The following CD33 variants were observed in gnomAD, a reference collection of about 807,000 sequenced individuals.
The protein encoded by CD33 is myeloid cell surface antigen CD33.
In CD33, 25 loss-of-function variants were observed where a neutral mutation model predicts 31.4. The observed-to-expected ratio is 0.80, with a 90% CI of 0.58 to 1.11. The LOEUF (loss-of-function observed/expected upper bound fraction) is 1.11. Ranked by LOEUF, CD33 falls within the 50% of genes most tolerant of loss-of-function variation. CD33 has a pLI of 0.00. For synonymous variants in CD33, 176 were observed against 180.6 expected (o/e 0.97, Z 0.20); for missense variants, 407 against 448.1 (o/e 0.91, Z 0.83).
At chr19:51,236,030 CG>C in intron 6 of CD33, 1 of 558,072 alleles carries the variant, frequency 1.8e-6, no homozygotes. Flanking sequence ...TGGTGGCTGG[CG>C]CCTGTAGTCC....
chr19:51,212,668 C>G, the CD33 span, among the ~76,000 whole-genome samples: 1 of 152,264 alleles, frequency 6.6e-6, no homozygotes, highest in East Asian at 1.9e-4. Context: ...CTTTCTATTT[C>G]CCCCTGTAGT....
intron 5 of CD33, 82 bp downstream of exon 5, chr19:51,235,335 G>A (rs1410182274): frequency 7.1e-7 from 1 of 1,400,774 alleles, no homozygotes; most frequent in Non-Finnish European, 1.0e-6. Flanking sequence ...GGGGCTGTGA[G>A]GGCTGGAGAA....
the CD33 span, among the ~76,000 whole-genome samples, chr19:51,216,533 A>T: frequency 6.6e-6 from 1 of 151,878 alleles, no homozygotes; most frequent in Non-Finnish European, 1.5e-5. Flanking sequence ...ACAAGGTGAA[A>T]CCCCATCTCT....
Position 51,235,328 on chromosome 19 carries a change from G to A in CD33, c.842+75G>A, listed in dbSNP as rs1981705056. On this transcript the variant is annotated intron_variant, in intron 5 of 6. Coordinates refer to ENST00000262262, the MANE Select transcript of CD33 (RefSeq NM_001772.4). ...CCTGGTGTAGAAGGGTCCTGGAGGG[G>A]CTGTGAGGGCTGGAGAAAGGGCAGG... 3.5e-6 allele frequency: 5 copies of A among 1,411,746 alleles called. No individual in the cohort carries two copies. The South Asian group carries it at 5.8e-5, about 16-fold the overall frequency. The allele number at this position is 1,411,746 out of a possible 1,614,324, so 87.5% of individuals were successfully genotyped here. A position where few individuals can be genotyped will look rare whatever the true frequency, so the allele number is the denominator to read the frequency against.
the CD33 span, chr19:51,211,647 G>A: frequency 8.1e-7 from 1 of 1,233,372 alleles, no homozygotes; most frequent in Non-Finnish European, 1.1e-6. Flanking sequence ...TCAGGACAGG[G>A]CTTGGGATGG....
rs368389362 is a variant in CD33, at chr19:51,239,529, G to A, written c.936G>A (p.Lys312=). 33 of 1,604,286 alleles carry A rather than the reference G, an allele frequency of 2.1e-5. No homozygotes were observed. The highest frequency in any genetic ancestry group is 2.8e-5 in the Non-Finnish European group (33 of 1,175,370). ...TTCCTCTCCATAAGAAACACCAGAA[G>A]AAGTCCAAGTTACATGGCCCCACTG... ...TTGSASPKHQ[K]KSKLHGPTET... Residue 312 remains lysine (K), a synonymous_variant, in exon 7 of 7, where the codon AAG becomes AAA. Coordinates refer to ENST00000262262, the MANE Select transcript of CD33 (RefSeq NM_001772.4).
intron 4 of CD33, among the ~76,000 whole-genome samples, chr19:51,227,950 CCAG>C (rs1981149020): frequency 6.6e-6 from 1 of 152,072 alleles, no homozygotes; most frequent in African/African-American, 2.4e-5. Context: ...ACCAGTTTTC[CCAG>C]CATCATTTAT....
chr19:51,225,844 G>A lies in CD33; in HGVS notation c.460G>A (p.Glu154Lys), dbSNP rs142901306. 186 of 1,613,622 alleles carry A rather than the reference G, an allele frequency of 1.2e-4. No individual in the cohort carries two copies. Among genetic ancestry groups the A allele is most frequent in the Middle Eastern group, 8.2e-4 (5 of 6,084 alleles). ...CAAAATCCTCATCCCTGGCACTCTA[G>A]AACCCGGCCACTCCAAAAACCTGAC... Reference protein sequence around the residue: ...RPKILIPGTLEPGHSKNLTCS... With the variant: ...RPKILIPGTLKPGHSKNLTCS... Residue 154 changes from glutamate to lysine, a missense_variant, in exon 3 of 7, where the codon GAA becomes AAA. Physicochemically the swap from Glu to Lys is moderately conservative, Grantham distance 56 (BLOSUM62 1). Transcript: ENST00000262262.
the CD33 span, among the ~76,000 whole-genome samples, chr19:51,214,204 T>TC: frequency 7.6e-5 from 11 of 144,414 alleles, no homozygotes; most frequent in African/African-American, 2.8e-4. Flanking sequence ...TTTCTTTCTT[T>TC]TTTTTTTTTT....
chr19:51,219,950 C>A, the CD33 span, among the ~76,000 whole-genome samples: 2 of 152,136 alleles, frequency 1.3e-5, no homozygotes. Context: ...AGGATTTTTG[C>A]GTCTATGTTC....
At chr19:51,222,102 T>C (rs1980712754), upstream of CD33, among the ~76,000 whole-genome samples, 3 of 152,200 alleles carry the variant, frequency 2.0e-5, no homozygotes, top group Non-Finnish European at 2.9e-5. Flanking sequence ...TATAATTATA[T>C]ACAACTCTCA....
chr19:51,211,142 G>T, the CD33 span: 12 of 1,601,740 alleles, frequency 7.5e-6, no homozygotes, highest in Non-Finnish European at 1.0e-5. Flanking sequence ...CCTGCTGTGG[G>T]CAGGTGAATG....
chr19:51,219,951 G>A, the CD33 span, among the ~76,000 whole-genome samples: 15 of 152,040 alleles, frequency 9.9e-5, no homozygotes, highest in African/African-American at 3.1e-4. Context: ...GGATTTTTGC[G>A]TCTATGTTCA....
the CD33 span, among the ~76,000 whole-genome samples, chr19:51,214,795 T>A: frequency 3.3e-5 from 5 of 152,324 alleles, no homozygotes; most frequent in East Asian, 9.6e-4. Flanking sequence ...ATTTCACTTT[T>A]CTGATAGTGT....
the CD33 span, among the ~76,000 whole-genome samples, chr19:51,217,595 T>C: frequency 6.6e-6 from 1 of 152,002 alleles, no homozygotes; most frequent in African/African-American, 2.4e-5. Flanking sequence ...GTTGTTGTAT[T>C]TTTAGTGGAG....
upstream of CD33, chr19:51,224,935 CAT>C (rs1980874433): frequency 2.7e-6 from 2 of 732,534 alleles, no homozygotes; most frequent in Admixed American, 4.7e-5. Flanking sequence ...ATCTCTGGCC[CAT>C]GAGGGTCAAT....
chr19:51,225,834 T>C lies in CD33; in HGVS notation c.450T>C (p.Pro150=). The C allele has an allele frequency of 6.2e-7, 1 of 1,613,896 alleles. No homozygotes were observed. The highest frequency in any genetic ancestry group is 8.5e-7 in the Non-Finnish European group (1 of 1,179,896). ...CCCACAGGCCCAAAATCCTCATCCC[T>C]GGCACTCTAGAACCCGGCCACTCCA... ...DLTHRPKILI[P]GTLEPGHSKN... is the part of the protein sequence containing the mutation. The change falls in exon 3 of 7, where the codon CCT becomes CCC. Residue 150 remains proline, a synonymous_variant. Coordinates refer to ENST00000262262, the MANE Select transcript of CD33 (RefSeq NM_001772.4).
chr19:51,239,286 TTTTTCCA>T, intron 6 of CD33: 1 of 368,626 alleles, frequency 2.7e-6, no homozygotes, highest in Non-Finnish European at 4.8e-6. Flanking sequence ...CTGCCCAGAA[TTTTTCCA>T]CATTAGTCTC....
At chr19:51,235,294 G>T (rs774887246) in intron 5 of CD33, 41 bp downstream of exon 5, 2 of 1,567,502 alleles carry the variant, frequency 1.3e-6, no homozygotes, top group Non-Finnish European at 1.8e-6. Flanking sequence ...CAGAGGTGAA[G>T]AGGATGGACC....
Sources: gnomAD v4.1 joint callset for allele counts (sites outside exome capture counted in the v4.1 genomes callset) on GRCh38, gnomAD v4.1.1 for gene constraint, MANE v1.5 for transcripts, NCBI Gene and HGNC (gene_info 2026-07-23, HGNC 2026-07-21) for gene names.